LRMDA: variants seen among roughly 807,000 people sequenced by gnomAD.
The protein encoded by LRMDA is leucine-rich melanocyte differentiation-associated protein.
In LRMDA, 18 loss-of-function variants were observed where a neutral mutation model predicts 29.8. The observed-to-expected ratio is 0.60, with a 90% CI of 0.42 to 0.90. LRMDA has a LOEUF of 0.90. Among genes scored for constraint, LRMDA ranks in the 40% least tolerant of loss-of-function variants. The probability of loss-of-function intolerance (pLI) is 0.00; values close to 1 mark genes in which losing one functional copy is unlikely to be tolerated. For missense variants in LRMDA, 273 were observed against 273.9 expected (o/e 1.00, Z 0.02); for synonymous variants, 125 against 109.4 (o/e 1.14, Z -0.89).
At chr10:76,535,692 GTTCACTGTT>G in intron 6 of LRMDA, 2 of 152,194 alleles carry the variant, frequency 1.3e-5, no homozygotes, top group East Asian at 3.9e-4. Context: ...CTCTACCTCA[GTTCACTGTT>G]AATATTGGGC....
At chr10:76,258,798 T>G (rs1204691693) in intron 5 of LRMDA, among the ~76,000 whole-genome samples, 2 of 152,202 alleles carry the variant, frequency 1.3e-5, no homozygotes, top group East Asian at 3.9e-4. Context: ...AGGATTTAAT[T>G]TATTTTTATG....
At chr10:75,487,554 G>A (rs969623046) in intron 2 of LRMDA, among the ~76,000 whole-genome samples, 1 of 152,268 alleles carries the variant, frequency 6.6e-6, no homozygotes, top group Non-Finnish European at 1.5e-5. Flanking sequence ...GGTGTGGGAG[G>A]TTTTTAAGTA....
intron 6 of LRMDA, among the ~76,000 whole-genome samples, chr10:76,494,184 C>T (rs1224058684): frequency 6.6e-6 from 1 of 151,746 alleles, no homozygotes; most frequent in Non-Finnish European, 1.5e-5. Context: ...TGTTTCTTTC[C>T]TTATTGCACT....
chr10:76,433,922 TCACCTTTGACAAATTCCCA>T (rs1314664985), intron 6 of LRMDA, among the ~76,000 whole-genome samples: 2 of 152,214 alleles, frequency 1.3e-5, no homozygotes, highest in Admixed American at 6.5e-5. Flanking sequence ...ATTCAGTCTC[TCACCTTTGACAAATTCCCA>T]CACCTTTGAC....
Position 75,957,164 on chromosome 10 carries a change from C to T in LRMDA, c.132-78844C>T, listed in dbSNP as rs116062363. 3.7e-3 allele frequency among the ~76,000 whole-genome samples: 558 copies of T among 152,278 alleles called. 6 individuals carry two copies. Among genetic ancestry groups the T allele is most frequent in the African/African-American group, 0.013 (533 of 41,548 alleles). ...TGATGATGGCACACACTATTTGGGG[C>T]CCTTCTTTCTTGTATCCTAAGAAAT... On this transcript the variant is annotated intron_variant, in intron 2 of 6. Coordinates refer to ENST00000611255, the MANE Select transcript of LRMDA (RefSeq NM_001305581.2).
intron 5 of LRMDA, among the ~76,000 whole-genome samples, chr10:76,283,756 T>C (rs544338082): frequency 4.6e-5 from 7 of 152,262 alleles, no homozygotes; most frequent in African/African-American, 1.7e-4. Context: ...AGGTGTTTGG[T>C]TGAGCTGGTT....
chr10:75,489,425 C>T (rs1844957185), intron 2 of LRMDA, among the ~76,000 whole-genome samples: 1 of 152,172 alleles, frequency 6.6e-6, no homozygotes, highest in Non-Finnish European at 1.5e-5. Flanking sequence ...TGCTAACAAC[C>T]TCCCACAGCT....
chr10:75,736,521 G>T (rs544873808), intron 2 of LRMDA, among the ~76,000 whole-genome samples: 22 of 152,294 alleles, frequency 1.4e-4, no homozygotes, highest in South Asian at 8.3e-4. Flanking sequence ...TGTGAATACT[G>T]TTTATTGGAG....
intron 2 of LRMDA, among the ~76,000 whole-genome samples, chr10:75,951,185 A>T (rs1397934691): frequency 6.6e-6 from 1 of 152,230 alleles, no homozygotes; most frequent in Admixed American, 6.5e-5. Flanking sequence ...AAGGGAATTT[A>T]CAGTTCACTA....
intron 4 of LRMDA, among the ~76,000 whole-genome samples, chr10:76,052,652 A>G (rs1848549418): frequency 6.6e-6 from 1 of 152,190 alleles, no homozygotes; most frequent in Admixed American, 6.5e-5. Flanking sequence ...AGCAAATGGA[A>G]CATTCTATGT....
intron 6 of LRMDA, among the ~76,000 whole-genome samples, chr10:76,545,507 A>G (rs868372706): frequency 3.3e-5 from 5 of 151,964 alleles, no homozygotes; most frequent in Admixed American, 2.0e-4. Flanking sequence ...TATACTCCAT[A>G]AATGATGGTT....
intron 5 of LRMDA, among the ~76,000 whole-genome samples, chr10:76,179,601 C>T (rs1342243237): frequency 6.6e-6 from 1 of 152,180 alleles, no homozygotes; most frequent in Non-Finnish European, 1.5e-5. Flanking sequence ...AAAGACCATC[C>T]TCAAACATTT....
At chr10:75,621,775 G>A (rs1274044452) in intron 2 of LRMDA, among the ~76,000 whole-genome samples, 2 of 152,090 alleles carry the variant, frequency 1.3e-5, no homozygotes, top group Admixed American at 1.3e-4. Flanking sequence ...TAGATTGAGG[G>A]GACACTGCTC....
At chr10:75,905,236 CTTTTT>C (rs200409197) in intron 2 of LRMDA, among the ~76,000 whole-genome samples, 2 of 133,002 alleles carry the variant, frequency 1.5e-5, no homozygotes, top group East Asian at 2.1e-4. Flanking sequence ...TCTCCTGCCT[CTTTTT>C]TTTTTTTTTT....
intron 2 of LRMDA, among the ~76,000 whole-genome samples, chr10:75,755,934 C>T (rs551870754): frequency 2.1e-4 from 32 of 152,296 alleles, no homozygotes; most frequent in African/African-American, 7.7e-4. Context: ...GGCTTACATT[C>T]TAAATGTACT....
intron 2 of LRMDA, among the ~76,000 whole-genome samples, chr10:75,973,021 ACAGCAGCAGCAGCAGCAGCAG>A (rs3042539): frequency 0.034 from 5,068 of 148,946 alleles, 156 homozygotes; most frequent in East Asian, 0.14. Flanking sequence ...CACTTTAACA[ACAGCAGCAGCAGCAGCAGCAG>A]CAGCAGCAGC....
chr10:75,724,718 A>C (rs1339308699), intron 2 of LRMDA, among the ~76,000 whole-genome samples: 1 of 152,158 alleles, frequency 6.6e-6, no homozygotes, highest in Non-Finnish European at 1.5e-5. Context: ...AGGGTTCTTC[A>C]TATTCTTCTA....
chr10:76,097,119 T>C (rs1849324132), intron 5 of LRMDA, among the ~76,000 whole-genome samples: 1 of 152,128 alleles, frequency 6.6e-6, no homozygotes, highest in African/African-American at 2.4e-5. Flanking sequence ...CAAACAATTC[T>C]CCTGCTTCAG....
At chr10:75,803,967 C>T (rs1843801871) in intron 2 of LRMDA, among the ~76,000 whole-genome samples, 1 of 152,198 alleles carries the variant, frequency 6.6e-6, no homozygotes, top group Non-Finnish European at 1.5e-5. Flanking sequence ...ATAGCGTGGC[C>T]TTTGTGGAGT....
Sources: gnomAD v4.1 joint callset for allele counts (sites outside exome capture counted in the v4.1 genomes callset) on GRCh38, gnomAD v4.1.1 for gene constraint, MANE v1.5 for transcripts, NCBI Gene and HGNC (gene_info 2026-07-23, HGNC 2026-07-21) for gene names.